Variants in AMZ2 observed in about 807,000 individuals in gnomAD.
AMZ2 encodes the protein archaemetzincin-2.
A neutral mutation model predicts 36.7 loss-of-function variants in AMZ2; 26 were observed. That is an observed-to-expected ratio of 0.71 (90% CI 0.52 to 0.98). The LOEUF (loss-of-function observed/expected upper bound fraction) is 0.98, where lower values mean the gene tolerates loss of function less well. Among genes scored for constraint, AMZ2 ranks in the 50% least tolerant of loss-of-function variants. The pLI is 0.00. For synonymous variants in AMZ2, 144 were observed against 149.1 expected (o/e 0.97, Z 0.25); for missense variants, 394 against 430.5 (o/e 0.92, Z 0.75).
At chr17:68,247,904 T>C, upstream of AMZ2, 4 of 985,532 alleles carry the variant, frequency 4.1e-6, no homozygotes, top group African/African-American at 3.5e-5. Context: ...ACTCCAGCTC[T>C]GCGCCTGCCC....
At position 68,255,593 on chromosome 17, in the gene AMZ2, T is replaced by C. The variant is rs1436789905; in HGVS notation, c.751-107T>C. 10 of 1,194,238 alleles carry C rather than the reference T, an allele frequency of 8.4e-6. No individual in the cohort carries two copies. The African/African-American group carries it at 1.4e-4, about 16-fold the overall frequency. The allele number at this position is 1,194,238 out of a possible 1,614,324, so 74.0% of individuals were successfully genotyped here. ...GGACAGGGTGAAGTTTTGGTGGTAATGGTAAGGGAGTTGATTCCTATGTTT... is the reference window on the plus strand; with the variant it reads ...GGACAGGGTGAAGTTTTGGTGGTAACGGTAAGGGAGTTGATTCCTATGTTT... On this transcript the variant is annotated intron_variant, in intron 5 of 6. Coordinates refer to ENST00000359904, the MANE Select transcript of AMZ2 (RefSeq NM_016627.5).
intron 1 of AMZ2, among the ~76,000 whole-genome samples, chr17:68,237,348 G>A (rs1202667101): frequency 1.3e-5 from 2 of 151,988 alleles, no homozygotes; most frequent in East Asian, 3.8e-4. Context: ...CTATTCTTCT[G>A]TCCTCCTCAG....
intron 1 of AMZ2, among the ~76,000 whole-genome samples, chr17:68,222,789 TA>T (rs1261139802): frequency 6.6e-6 from 1 of 152,102 alleles, no homozygotes; most frequent in African/African-American, 2.4e-5. Flanking sequence ...ATGCGAGCAA[TA>T]AGGAGTGGCT....
At chr17:68,242,844 C>G (rs555215640) in intron 1 of AMZ2, among the ~76,000 whole-genome samples, 4 of 152,102 alleles carry the variant, frequency 2.6e-5, no homozygotes, top group Admixed American at 2.0e-4. Flanking sequence ...AAAACCAAAA[C>G]AAGCCTGGGC....
At chr17:68,237,268 T>G (rs552629548) in intron 1 of AMZ2, among the ~76,000 whole-genome samples, 1 of 152,330 alleles carries the variant, frequency 6.6e-6, no homozygotes, top group Admixed American at 6.5e-5. Flanking sequence ...CGAAAAAGTC[T>G]AAAAGTTCAG....
chr17:68,215,994 A>G (rs2073185058), intron 1 of AMZ2, among the ~76,000 whole-genome samples: 1 of 152,228 alleles, frequency 6.6e-6, no homozygotes, highest in Admixed American at 6.5e-5. Flanking sequence ...AGTAGTTGTG[A>G]TAAGTTAGTA....
intron 1 of AMZ2, among the ~76,000 whole-genome samples, chr17:68,211,752 A>G (rs1433921788): frequency 6.0e-5 from 8 of 132,884 alleles, no homozygotes; most frequent in African/African-American, 1.8e-4. Context: ...ATATGTATAT[A>G]TGTATATGTA....
At chr17:68,214,854 G>A (rs1282411594) in intron 1 of AMZ2, among the ~76,000 whole-genome samples, 1 of 151,886 alleles carries the variant, frequency 6.6e-6, no homozygotes, top group Non-Finnish European at 1.5e-5. Context: ...CGCTATCTTG[G>A]CTAACTGTAG....
chr17:68,226,343 C>T (rs1447766140), intron 1 of AMZ2, among the ~76,000 whole-genome samples: 1 of 152,180 alleles, frequency 6.6e-6, no homozygotes, highest in African/African-American at 2.4e-5. Flanking sequence ...ATGGAGAACC[C>T]AGGGAGGCTT....
At chr17:68,231,729 T>C (rs1433286204) in intron 1 of AMZ2, among the ~76,000 whole-genome samples, 5 of 152,090 alleles carry the variant, frequency 3.3e-5, no homozygotes, top group Admixed American at 3.3e-4. Context: ...GTGGATAGGT[T>C]ACATGAGCAA....
intron 1 of AMZ2, among the ~76,000 whole-genome samples, chr17:68,220,383 AT>A (rs2073316259): frequency 2.0e-5 from 3 of 152,034 alleles, no homozygotes; most frequent in African/African-American, 7.3e-5. Flanking sequence ...ATGTGTAACT[AT>A]TTGTCTTCCA....
chr17:68,219,572 C>T (rs2073292840), intron 1 of AMZ2, among the ~76,000 whole-genome samples: 7 of 152,138 alleles, frequency 4.6e-5, no homozygotes, highest in Admixed American at 4.6e-4. Flanking sequence ...CACTCTGCCA[C>T]CCAGGCTGGA....
At chr17:68,208,446 G>C (rs1811022669) in intron 1 of AMZ2, among the ~76,000 whole-genome samples, 1 of 152,224 alleles carries the variant, frequency 6.6e-6, no homozygotes, top group Non-Finnish European at 1.5e-5. Flanking sequence ...AGCTAATCTA[G>C]TGGGGAGGTG....
At chr17:68,232,234 C>T (rs1189256495) in intron 1 of AMZ2, among the ~76,000 whole-genome samples, 5 of 151,524 alleles carry the variant, frequency 3.3e-5, no homozygotes, top group Admixed American at 6.6e-5. Flanking sequence ...TGATGTCTCA[C>T]GTCTATAATC....
At chr17:68,247,499 C>T (rs539622678), upstream of AMZ2, 7 of 469,598 alleles carry the variant, frequency 1.5e-5, no homozygotes, top group Non-Finnish European at 2.0e-5. Flanking sequence ...GGGTTTCGGC[C>T]TCGGAGCGCC....
chr17:68,225,863 A>T (rs1370560224), intron 1 of AMZ2, among the ~76,000 whole-genome samples: 1 of 152,104 alleles, frequency 6.6e-6, no homozygotes, highest in Admixed American at 6.6e-5. Flanking sequence ...GCCTCAAGTG[A>T]TCCACCCACC....
chr17:68,238,383 T>G (rs1186357955), intron 1 of AMZ2, among the ~76,000 whole-genome samples: 1 of 152,262 alleles, frequency 6.6e-6, no homozygotes, highest in East Asian at 1.9e-4. Context: ...ATTCGAACTT[T>G]CTTAGCTCCC....
chr17:68,213,891 C>T (rs2073129489), intron 1 of AMZ2, among the ~76,000 whole-genome samples: 1 of 151,918 alleles, frequency 6.6e-6, no homozygotes, highest in African/African-American at 2.4e-5. Context: ...ACCCTACTAT[C>T]CAGTTTTTCC....
chr17:68,225,088 AG>A (rs1377307848), intron 1 of AMZ2, among the ~76,000 whole-genome samples: 1 of 151,750 alleles, frequency 6.6e-6, no homozygotes, highest in Non-Finnish European at 1.5e-5. Flanking sequence ...GCTACTCAGG[AG>A]GCTGAGGCAG....
Sources: allele counts gnomAD v4.1 joint callset (sites outside exome capture counted in the v4.1 genomes callset), GRCh38; gene constraint gnomAD v4.1.1; transcripts MANE v1.5; gene names NCBI Gene and HGNC (gene_info 2026-07-23, HGNC 2026-07-21).